Variants in CTNNA3 observed in about 807,000 individuals in gnomAD.
The protein encoded by CTNNA3 is catenin alpha-3.
In CTNNA3, 76 loss-of-function variants were observed where a neutral mutation model predicts 95.7. That is an observed-to-expected ratio of 0.79 (90% CI 0.66 to 0.96). The LOEUF (loss-of-function observed/expected upper bound fraction) is 0.96, where lower values mean the gene tolerates loss of function less well. CTNNA3 is among the 40% of genes least tolerant of loss of function. CTNNA3 has a pLI of 0.00. For missense variants in CTNNA3, 1,191 were observed against 1,089.8 expected, an observed-to-expected ratio of 1.09 and a Z score of -1.31; for synonymous variants, 431 against 374.4, an observed-to-expected ratio of 1.15 and a Z score of -1.74.
intron 13 of CTNNA3, among the ~76,000 whole-genome samples, chr10:66,249,848 C>T (rs1176626009): frequency 6.6e-6 from 1 of 151,964 alleles, no homozygotes; most frequent in Admixed American, 6.6e-5. Flanking sequence ...AACAAACAAA[C>T]AAAAACTAAA....
intron 9 of CTNNA3, among the ~76,000 whole-genome samples, chr10:66,727,223 TC>T (rs1848808969): frequency 6.6e-6 from 1 of 152,002 alleles, no homozygotes; most frequent in Non-Finnish European, 1.5e-5. Context: ...CTTTCAGGAT[TC>T]CTTTCAACTC....
At chr10:66,386,245 A>T (rs951303236) in intron 11 of CTNNA3, among the ~76,000 whole-genome samples, 2 of 152,216 alleles carry the variant, frequency 1.3e-5, no homozygotes, top group African/African-American at 4.8e-5. Context: ...ACTTCAGCAA[A>T]GTCTCAGGAT....
At chr10:66,919,029 G>A (rs1589424087) in intron 7 of CTNNA3, among the ~76,000 whole-genome samples, 1 of 151,956 alleles carries the variant, frequency 6.6e-6, no homozygotes, top group East Asian at 2.0e-4. Flanking sequence ...CAGCTACCTG[G>A]GAGGCTGAGG....
In CTNNA3 at chr10:67,530,974, C is replaced by T. The variant is rs914692337; in HGVS notation, c.459+8529G>A. 2.6e-5 allele frequency among the ~76,000 whole-genome samples: 4 copies of T among 152,330 alleles called. No homozygotes were observed. In the South Asian group the frequency reaches 8.3e-4, roughly 32 times the overall value. On this transcript the variant is annotated intron_variant, in intron 4 of 17. Coordinates refer to ENST00000433211, the MANE Select transcript of CTNNA3 (RefSeq NM_013266.4). ...AACGCAGCTTCTGAAGCCTTGCCACCTTCCATGTGGTATTGAGCCTGCAAG... is the reference window on the plus strand; with the variant it reads ...AACGCAGCTTCTGAAGCCTTGCCACTTTCCATGTGGTATTGAGCCTGCAAG...
chr10:67,529,238 T>C (rs2133178046), intron 4 of CTNNA3, among the ~76,000 whole-genome samples: 1 of 152,202 alleles, frequency 6.6e-6, no homozygotes, highest in African/African-American at 2.4e-5. Flanking sequence ...GGTAACATAA[T>C]AGAAAGACCA....
intron 13 of CTNNA3, among the ~76,000 whole-genome samples, chr10:66,113,177 G>A (rs1330500286): frequency 1.3e-5 from 2 of 151,792 alleles, no homozygotes; most frequent in South Asian, 4.2e-4. Context: ...GAAGTGTGAA[G>A]TGATATCTCA....
intron 5 of CTNNA3, among the ~76,000 whole-genome samples, chr10:67,505,669 C>G (rs866463833): frequency 3.3e-5 from 5 of 152,282 alleles, no homozygotes; most frequent in Middle Eastern, 3.4e-3. Flanking sequence ...TACTCCGTAT[C>G]AACAATCAGC....
At chr10:66,538,455 A>G (rs1184781753) in intron 10 of CTNNA3, among the ~76,000 whole-genome samples, 1 of 152,140 alleles carries the variant, frequency 6.6e-6, no homozygotes, top group Non-Finnish European at 1.5e-5. Context: ...CTTTGGATCT[A>G]TGGAATTTGA....
At chr10:66,955,632 C>T (rs1293311881) in intron 7 of CTNNA3, among the ~76,000 whole-genome samples, 1 of 152,152 alleles carries the variant, frequency 6.6e-6, no homozygotes, top group Non-Finnish European at 1.5e-5. Context: ...TGGATAGACA[C>T]ACGACTGCAT....
chr10:65,956,486 T>C (rs2077735016), intron 17 of CTNNA3, among the ~76,000 whole-genome samples: 1 of 152,206 alleles, frequency 6.6e-6, no homozygotes, highest in Admixed American at 6.5e-5. Flanking sequence ...TGTTAGGGTG[T>C]CAATTTTAGA....
chr10:66,216,848 T>C, intron 13 of CTNNA3, among the ~76,000 whole-genome samples: 1 of 152,178 alleles, frequency 6.6e-6, no homozygotes, highest in East Asian at 1.9e-4. Flanking sequence ...ATTGGTGCAA[T>C]AAATGTGTAT....
At chr10:67,576,356 C>T (rs1203794826) in intron 3 of CTNNA3, among the ~76,000 whole-genome samples, 2 of 151,994 alleles carry the variant, frequency 1.3e-5, no homozygotes, top group Admixed American at 1.3e-4. Context: ...ATTTATTTAA[C>T]TACTTTAAAT....
chr10:66,446,640 ACT>A (rs2093424177), intron 11 of CTNNA3, among the ~76,000 whole-genome samples: 1 of 152,078 alleles, frequency 6.6e-6, no homozygotes, highest in Non-Finnish European at 1.5e-5. Flanking sequence ...CATGCTAAAA[ACT>A]CTCAATAAAT....
chr10:67,473,130 A>G (rs575382163), intron 5 of CTNNA3, among the ~76,000 whole-genome samples: 1 of 152,378 alleles, frequency 6.6e-6, no homozygotes, highest in East Asian at 1.9e-4. Flanking sequence ...ATGAATGAAC[A>G]ATATATGAAG....
intron 6 of CTNNA3, among the ~76,000 whole-genome samples, chr10:67,203,518 C>T (rs1468338401): frequency 6.6e-6 from 1 of 152,150 alleles, no homozygotes; most frequent in African/African-American, 2.4e-5. Flanking sequence ...TTCTTCCAAG[C>T]ATAGATCCAT....
intron 10 of CTNNA3, among the ~76,000 whole-genome samples, chr10:66,529,174 A>C (rs892727885): frequency 5.9e-5 from 9 of 152,016 alleles, no homozygotes; most frequent in African/African-American, 2.2e-4. Flanking sequence ...TATCAAGCAG[A>C]CTAGAATGCA....
chr10:66,033,873 T>C (rs1589273248), intron 15 of CTNNA3, among the ~76,000 whole-genome samples: 1 of 152,202 alleles, frequency 6.6e-6, no homozygotes, highest in Admixed American at 6.5e-5. Flanking sequence ...CTTCCTTCCC[T>C]GCAATATGTT....
intron 9 of CTNNA3, among the ~76,000 whole-genome samples, chr10:66,677,151 A>G (rs1055497676): frequency 2.0e-5 from 3 of 152,124 alleles, no homozygotes; most frequent in African/African-American, 7.2e-5. Context: ...GGTTTGAGCC[A>G]GATCAGGAAC....
chr10:67,358,720 G>T (rs1016997892), intron 5 of CTNNA3, among the ~76,000 whole-genome samples: 1 of 152,074 alleles, frequency 6.6e-6, no homozygotes, highest in African/African-American at 2.4e-5. Context: ...GGACCAGTGG[G>T]TCGTCAGAGA....
Sources: gnomAD v4.1 joint callset for allele counts (sites outside exome capture counted in the v4.1 genomes callset) on GRCh38, gnomAD v4.1.1 for gene constraint, MANE v1.5 for transcripts, NCBI Gene and HGNC (gene_info 2026-07-23, HGNC 2026-07-21) for gene names.